Variants in SRBD1 observed in about 807,000 individuals in gnomAD.
SRBD1 encodes the protein S1 RNA binding domain 1, also known as S1 RNA-binding domain-containing protein 1.
SRBD1 carries 88 observed loss-of-function variants against 115.3 expected under a neutral mutation model. The observed-to-expected ratio is 0.76, with a 90% CI of 0.64 to 0.91. SRBD1 has a LOEUF of 0.91. SRBD1 is among the 40% of genes least tolerant of loss of function. SRBD1 has a pLI of 0.00. For missense variants in SRBD1, 1,385 were observed against 1,177.4 expected (o/e 1.18, Z -2.58); for synonymous variants, 509 against 407.7 (o/e 1.25, Z -2.99).
Position 45,574,647 on chromosome 2 carries a change from CGT to C in SRBD1, c.1147_1148del (p.Thr383AlafsTer2). On this transcript the variant is annotated frameshift_variant, in exon 8 of 21. Transcript: ENST00000263736. LOFTEE classifies it high-confidence loss of function. ...LADMIAKDKD[T>X]LDFIRNLCQK... is the part of the protein sequence containing the mutation. ...CTCACAAGTTCCGAATGAAGTCAAG[CGT>C]GTCTTTGTCTTTAGCAATCATATCT... is the stretch of plus-strand genomic sequence containing the variant. 1.2e-6 allele frequency: 2 copies of C among 1,613,420 alleles called. No homozygotes were observed. Among genetic ancestry groups the C allele is most frequent in the Non-Finnish European group, 1.7e-6 (2 of 1,179,734 alleles).
chr2:45,553,466 A>G (rs946275721), intron 11 of SRBD1, among the ~76,000 whole-genome samples, 157 bp downstream of exon 11: 1 of 152,244 alleles, frequency 6.6e-6, no homozygotes, highest in African/African-American at 2.4e-5. Flanking sequence ...GAATGCATCT[A>G]CAGATTGAAA....
At chr2:45,491,747 G>A (rs901663352) in intron 14 of SRBD1, among the ~76,000 whole-genome samples, 3 of 152,128 alleles carry the variant, frequency 2.0e-5, no homozygotes, top group Admixed American at 2.0e-4. Flanking sequence ...AGCAAGTAAA[G>A]TACCTACAAT....
chr2:45,496,227 A>G (rs1201594163), intron 14 of SRBD1, among the ~76,000 whole-genome samples: 1 of 152,230 alleles, frequency 6.6e-6, no homozygotes, highest in Non-Finnish European at 1.5e-5. Context: ...TTGTCCAGTA[A>G]TAAATATGAG....
At chr2:45,521,096 A>G (rs1025735119) in intron 14 of SRBD1, among the ~76,000 whole-genome samples, 1 of 152,092 alleles carries the variant, frequency 6.6e-6, no homozygotes, top group Non-Finnish European at 1.5e-5. Context: ...AGAGGTTTGA[A>G]CAGCGGCAGC....
intron 14 of SRBD1, among the ~76,000 whole-genome samples, chr2:45,503,877 G>A (rs1338628169): frequency 6.6e-6 from 1 of 152,064 alleles, no homozygotes; most frequent in Admixed American, 6.5e-5. Flanking sequence ...CATATATTCT[G>A]TAATTCTATG....
rs976463256 is a variant in SRBD1, at chr2:45,596,952, C to A, written c.648+2497G>T. Among the ~76,000 whole-genome samples, 71 of 90,546 alleles carry A rather than the reference C, an allele frequency of 7.8e-4. 2 individuals are homozygous for A. In the East Asian group the frequency reaches 0.011, roughly 14 times the overall value. The allele number at this position is 90,546 out of a possible 152,430, so 59.4% of individuals were successfully genotyped here. On this transcript the variant is annotated intron_variant, in intron 4 of 20. Transcript: ENST00000263736. ...CTAACACACACACACACACACACACCCACAACCCTAACACACACACCCACA... is the reference window on the plus strand; with the variant it reads ...CTAACACACACACACACACACACACACACAACCCTAACACACACACCCACA...
chr2:45,450,869 C>A (rs144222179), intron 16 of SRBD1, among the ~76,000 whole-genome samples: 37 of 152,200 alleles, frequency 2.4e-4, no homozygotes, highest in African/African-American at 8.7e-4. Flanking sequence ...AACAGCTTTT[C>A]ATGAAAAGCT....
chr2:45,458,713 G>A (rs2103765568), intron 16 of SRBD1, among the ~76,000 whole-genome samples: 1 of 152,194 alleles, frequency 6.6e-6, no homozygotes, highest in South Asian at 2.1e-4. Context: ...CTACAAGAGA[G>A]GGAAGAGTTA....
At chr2:45,511,327 T>C (rs1670962480) in intron 14 of SRBD1, among the ~76,000 whole-genome samples, 1 of 152,220 alleles carries the variant, frequency 6.6e-6, no homozygotes, top group African/African-American at 2.4e-5. Flanking sequence ...TGTAATAAGA[T>C]GTTCTTGGCA....
At chr2:45,506,294 C>T (rs1485008066) in intron 14 of SRBD1, among the ~76,000 whole-genome samples, 1 of 152,150 alleles carries the variant, frequency 6.6e-6, no homozygotes, top group East Asian at 1.9e-4. Flanking sequence ...AAAGGGATCA[C>T]TGGGACAAAG....
At chr2:45,497,796 G>A (rs1445797217) in intron 14 of SRBD1, among the ~76,000 whole-genome samples, 1 of 151,994 alleles carries the variant, frequency 6.6e-6, no homozygotes, top group Non-Finnish European at 1.5e-5. Flanking sequence ...CAGCACTTTG[G>A]GAGGCTGAGG....
intron 1 of SRBD1, among the ~76,000 whole-genome samples, chr2:45,610,623 C>T (rs181822855): frequency 1.3e-5 from 2 of 152,328 alleles, no homozygotes; most frequent in East Asian, 1.9e-4. Context: ...CTAGAGAGTT[C>T]CCAATTCATT....
intron 4 of SRBD1, among the ~76,000 whole-genome samples, chr2:45,593,579 T>C (rs1174349509): frequency 1.3e-5 from 2 of 152,154 alleles, no homozygotes; most frequent in African/African-American, 2.4e-5. Context: ...AAAGAAAACA[T>C]CTTGGCATCA....
chr2:45,442,451 C>T (rs1015294646), intron 16 of SRBD1, among the ~76,000 whole-genome samples: 5 of 152,150 alleles, frequency 3.3e-5, no homozygotes, highest in African/African-American at 1.2e-4. Flanking sequence ...TAGGTGAAAC[C>T]ACACCCATTT....
chr2:45,557,475 G>C (rs1325571103), intron 10 of SRBD1, among the ~76,000 whole-genome samples: 1 of 152,210 alleles, frequency 6.6e-6, no homozygotes, highest in East Asian at 1.9e-4. Context: ...TCCTCCCTTG[G>C]CTTGGACTGC....
chr2:45,439,268 T>C (rs141267977), intron 16 of SRBD1, among the ~76,000 whole-genome samples: 612 of 151,980 alleles, frequency 4.0e-3, no homozygotes, highest in Non-Finnish European at 6.2e-3. Context: ...CTGGAAAATA[T>C]ATGGGTAAAT....
intron 19 of SRBD1, among the ~76,000 whole-genome samples, chr2:45,402,390 T>C (rs10208874): frequency 0.081 from 12,329 of 152,244 alleles, 664 homozygotes; most frequent in African/African-American, 0.15. Context: ...GTCTACTCTC[T>C]GATACTTTTC....
At chr2:45,540,400 A>C (rs1049404512) in intron 14 of SRBD1, among the ~76,000 whole-genome samples, 1 of 152,088 alleles carries the variant, frequency 6.6e-6, no homozygotes, top group Non-Finnish European at 1.5e-5. Flanking sequence ...TAAATTACAG[A>C]CTTAATGAGT....
chr2:45,604,033 T>C (rs1674184302), intron 2 of SRBD1, among the ~76,000 whole-genome samples: 1 of 151,988 alleles, frequency 6.6e-6, no homozygotes, highest in Middle Eastern at 3.2e-3. Flanking sequence ...CCAAATCCAA[T>C]CCACCACCAT....
Sources: allele counts gnomAD v4.1 joint callset (sites outside exome capture counted in the v4.1 genomes callset), GRCh38; gene constraint gnomAD v4.1.1; transcripts MANE v1.5; gene names NCBI Gene and HGNC (gene_info 2026-07-23, HGNC 2026-07-21).